DCAF5: variants seen among roughly 807,000 people sequenced by gnomAD.
DCAF5 encodes the protein DDB1 and CUL4 associated factor 5.
Under a neutral mutation model 80.7 loss-of-function variants are expected in DCAF5, and 9 were observed. That is an observed-to-expected ratio of 0.11 (90% CI 0.07 to 0.19). The LOEUF (loss-of-function observed/expected upper bound fraction) is 0.19. DCAF5 is among the 10% of genes least tolerant of loss of function. DCAF5 has a pLI of 1.00. For synonymous variants in DCAF5, 433 were observed against 461.9 expected, an observed-to-expected ratio of 0.94 and a Z score of 0.80; for missense variants, 842 against 1,205.7, an observed-to-expected ratio of 0.70 and a Z score of 4.47.
intron 6 of DCAF5, chr14:69,085,161 C>T (rs1289601258): frequency 5.4e-6 from 4 of 746,606 alleles, no homozygotes; most frequent in Admixed American, 3.5e-5. Context: ...TTCCCATTCT[C>T]TGAAACAGAT....
intron 1 of DCAF5, among the ~76,000 whole-genome samples, chr14:69,127,857 G>GTAA (rs905010020): frequency 6.6e-6 from 1 of 152,028 alleles, no homozygotes; most frequent in African/African-American, 2.4e-5. Context: ...CCTTCTACCA[G>GTAA]TAATAATAAT....
chr14:69,115,402 A>C (rs1566768106), intron 5 of DCAF5, among the ~76,000 whole-genome samples: 1 of 152,198 alleles, frequency 6.6e-6, no homozygotes, highest in Non-Finnish European at 1.5e-5. Context: ...AGTAAAAATC[A>C]TCAAGGAAGA....
Position 69,054,277 on chromosome 14 carries a change from G to A in DCAF5, c.2409C>T (p.Ser803=). 6.2e-7 allele frequency: 1 copy of A among 1,614,246 alleles called. No individual in the cohort carries two copies. Among genetic ancestry groups the A allele is most frequent in the Non-Finnish European group, 8.5e-7 (1 of 1,180,042 alleles). ...PSPPVPKASG[S]TLNSGSGNCP... ...AGTTGCCAGACCCGCTGTTGAGAGT[G>A]GAGCCAGATGCCTTGGGGACAGGAG... The change falls in exon 9 of 9, where the codon TCC becomes TCT. Residue 803 remains serine (S), a synonymous_variant. Transcript: ENST00000341516.
rs545783363 is a variant in DCAF5 at position 69,142,774 on chromosome 14, C to CT, written c.214+9990dup. Among the ~76,000 whole-genome samples the CT allele has an allele frequency of 1.7e-3, 258 of 152,290 alleles. 9 individuals are homozygous for CT. The South Asian group carries it at 0.051, about 30-fold the overall frequency. ...TGTATAACTATATGAGGAAAGACAC[C>CT]TATTTGTTGACTGAAATTCAGTCAA... On this transcript the variant is annotated intron_variant, in intron 1 of 8. Transcript: ENST00000341516.
intron 1 of DCAF5, among the ~76,000 whole-genome samples, chr14:69,128,296 C>A (rs1014322566): frequency 6.6e-6 from 1 of 151,496 alleles, no homozygotes; most frequent in African/African-American, 2.4e-5. Flanking sequence ...AACTGATTAT[C>A]CTGCCTCGGC....
intron 8 of DCAF5, among the ~76,000 whole-genome samples, chr14:69,057,327 C>T (rs2139831864): frequency 6.7e-6 from 1 of 149,232 alleles, no homozygotes; most frequent in East Asian, 2.1e-4. Flanking sequence ...GCTGAGGGGT[C>T]CAAAAGGGAA....
intron 7 of DCAF5, among the ~76,000 whole-genome samples, chr14:69,071,042 C>T (rs2038671595): frequency 6.6e-6 from 1 of 152,148 alleles, no homozygotes; most frequent in South Asian, 2.1e-4. Flanking sequence ...AAGTGATCTG[C>T]CCCCCTCAGC....
rs542922293 is a variant in DCAF5 at position 69,091,522 on chromosome 14, CTAT to C, written c.879+149_879+151del. 227 of 717,482 alleles carry C rather than the reference CTAT, an allele frequency of 3.2e-4. No homozygotes were observed. The African/African-American group carries it at 3.4e-3, about 11-fold the overall frequency. The allele number at this position is 717,482 out of a possible 1,614,324, so 44.4% of individuals were successfully genotyped here. On this transcript the variant is annotated intron_variant, in intron 6 of 8. Coordinates refer to ENST00000341516, the MANE Select transcript of DCAF5 (RefSeq NM_003861.3). ...TTGACAGCCTTGATAAAGAAACTCACTATTATTAAGTCAGAACATCTCCAGGCA... is the reference window on the plus strand; with the variant it reads ...TTGACAGCCTTGATAAAGAAACTCACTATTAAGTCAGAACATCTCCAGGCA...
chr14:69,152,729 C>A lies in DCAF5; in HGVS notation c.214+36G>T. ...GCGAGAGGGGGAGGCTGGGAGGGTGCGGGGAGGCGCGGGGAGGGGAAGGGG... is the reference window on the plus strand; with the variant it reads ...GCGAGAGGGGGAGGCTGGGAGGGTGAGGGGAGGCGCGGGGAGGGGAAGGGG... On this transcript the variant is annotated intron_variant, in intron 1 of 8. Transcript: ENST00000341516. The surrounding 1 kb of genome is among the most constrained non-coding windows in gnomAD (Gnocchi z 4.1). 1 of 1,418,798 alleles carries A rather than the reference C, an allele frequency of 7.0e-7. No homozygotes were observed. The highest frequency in any genetic ancestry group is 9.4e-7 in the Non-Finnish European group (1 of 1,065,150). 87.9% of individuals were successfully genotyped at this position (1,418,798 alleles called of 1,614,324 possible).
intron 1 of DCAF5, among the ~76,000 whole-genome samples, chr14:69,135,946 G>A (rs185321862): frequency 6.6e-6 from 1 of 152,266 alleles, no homozygotes; most frequent in Admixed American, 6.5e-5. Flanking sequence ...GGATTTTAAT[G>A]TAACAATGTA....
intron 5 of DCAF5, among the ~76,000 whole-genome samples, chr14:69,115,115 C>T (rs764574980): frequency 6.6e-6 from 1 of 152,206 alleles, no homozygotes; most frequent in Non-Finnish European, 1.5e-5. Flanking sequence ...TAGCAGAGAA[C>T]ACTGCAGATG....
chr14:69,119,220 C>T lies in DCAF5; in HGVS notation c.369G>A (p.Glu123=), dbSNP rs780449551. The T allele has an allele frequency of 6.2e-7, 1 of 1,613,560 alleles. No individual in the cohort carries two copies. Among genetic ancestry groups the T allele is most frequent in the Non-Finnish European group, 8.5e-7 (1 of 1,179,828 alleles). ...TTTCAACATCATGGAGGATAACTTGCTCATCATTGCCTGCAAAAGAAAAAA... is the reference window on the plus strand; with the variant it reads ...TTTCAACATCATGGAGGATAACTTGTTCATCATTGCCTGCAAAAGAAAAAA... ...NTKVFSGGND[E]QVILHDVESS... Residue 123 remains glutamate (E), a synonymous_variant, in exon 3 of 9, where the codon GAG becomes GAA. Transcript: ENST00000341516.
chr14:69,130,708 C>T (rs1050083349), intron 1 of DCAF5, among the ~76,000 whole-genome samples: 2 of 152,118 alleles, frequency 1.3e-5, no homozygotes, highest in Non-Finnish European at 2.9e-5. Flanking sequence ...TAAAATATAA[C>T]GTATTAGTGA....
At chr14:69,098,736 A>C (rs1369657497) in intron 5 of DCAF5, among the ~76,000 whole-genome samples, 6 of 148,074 alleles carry the variant, frequency 4.1e-5, no homozygotes, top group African/African-American at 1.5e-4. Context: ...ACAAAAAAAA[A>C]AAAAAAAAAA....
intron 7 of DCAF5, among the ~76,000 whole-genome samples, chr14:69,067,745 T>A (rs1429347891): frequency 6.6e-6 from 1 of 151,872 alleles, no homozygotes; most frequent in African/African-American, 2.4e-5. Flanking sequence ...CAAGCGATTC[T>A]CCTGCCTCAG....
chr14:69,090,031 C>T (rs1486576192), intron 6 of DCAF5: 2 of 985,322 alleles, frequency 2.0e-6, no homozygotes, highest in African/African-American at 3.5e-5. Flanking sequence ...AAGAAAATCA[C>T]CTTTCCCTCA....
At chr14:69,140,628 A>G (rs1266070040) in intron 1 of DCAF5, among the ~76,000 whole-genome samples, 1 of 152,200 alleles carries the variant, frequency 6.6e-6, no homozygotes, top group African/African-American at 2.4e-5. Context: ...CCATAGGAAG[A>G]CTGTAAAAAC....
chr14:69,088,963 T>G (rs2039436786), intron 6 of DCAF5, among the ~76,000 whole-genome samples: 1 of 145,664 alleles, frequency 6.9e-6, no homozygotes, highest in African/African-American at 2.6e-5. Context: ...GTTCTAGGAC[T>G]GGGACAGTAA....
chr14:69,120,766 T>C (rs971927320), intron 2 of DCAF5, among the ~76,000 whole-genome samples: 34 of 152,310 alleles, frequency 2.2e-4, no homozygotes, highest in African/African-American at 7.5e-4. Flanking sequence ...TCAGGTACAG[T>C]GCTAGGTCTT....
Sources: gnomAD v4.1 joint callset for allele counts (sites outside exome capture counted in the v4.1 genomes callset) on GRCh38, gnomAD v4.1.1 for gene constraint, Gnocchi (gnomAD v3.1) non-coding constraint, MANE v1.5 for transcripts, NCBI Gene and HGNC (gene_info 2026-07-23, HGNC 2026-07-21) for gene names.